Variants in BICD1 observed in about 807,000 individuals in gnomAD.
BICD1 encodes protein bicaudal D homolog 1.
BICD1 carries 35 observed loss-of-function variants against 92.5 expected under a neutral mutation model. That is an observed-to-expected ratio of 0.38 (90% CI 0.29 to 0.50). The LOEUF (loss-of-function observed/expected upper bound fraction) is 0.50, where lower values mean the gene tolerates loss of function less well. Among genes scored for constraint, BICD1 ranks in the 20% least tolerant of loss-of-function variants. BICD1 has a pLI of 0.93. For synonymous variants in BICD1, 429 were observed against 465.1 expected (o/e 0.92, Z 1.00); for missense variants, 950 against 1,189.8 (o/e 0.80, Z 2.97).
intron 2 of BICD1, among the ~76,000 whole-genome samples, chr12:32,281,980 G>T (rs1282911069): frequency 6.6e-6 from 1 of 152,094 alleles, no homozygotes; most frequent in East Asian, 1.9e-4. Context: ...AACACACAAA[G>T]AAATCAAATC....
At chr12:32,326,702 T>C (rs886813070) in intron 4 of BICD1, among the ~76,000 whole-genome samples, 8 of 152,104 alleles carry the variant, frequency 5.3e-5, no homozygotes, top group Admixed American at 5.2e-4. Context: ...CTGGACAACA[T>C]AGCAAGACTC....
At chr12:32,277,694 C>A (rs752970970) in intron 2 of BICD1, among the ~76,000 whole-genome samples, 1 of 152,206 alleles carries the variant, frequency 6.6e-6, no homozygotes, top group Non-Finnish European at 1.5e-5. Context: ...TTGCTAATAT[C>A]TCTCAGTCCC....
At chr12:32,290,002 G>T (rs1033236737) in intron 2 of BICD1, among the ~76,000 whole-genome samples, 2 of 152,190 alleles carry the variant, frequency 1.3e-5, no homozygotes, top group Non-Finnish European at 2.9e-5. Flanking sequence ...GGAGGATTAG[G>T]CTAAAGTCAA....
chr12:32,300,456 T>C (rs1948005765), intron 3 of BICD1, among the ~76,000 whole-genome samples: 1 of 151,358 alleles, frequency 6.6e-6, no homozygotes, highest in Non-Finnish European at 1.5e-5. Flanking sequence ...TTAACAAAGA[T>C]TGCAGCAAAA....
intron 8 of BICD1, among the ~76,000 whole-genome samples, chr12:32,343,287 C>T (rs1303609052): frequency 6.6e-6 from 1 of 152,150 alleles, no homozygotes; most frequent in Non-Finnish European, 1.5e-5. Context: ...TTTATCTTGA[C>T]TCCTTAACTA....
At chr12:32,334,784 T>A in intron 6 of BICD1, 117 bp downstream of exon 6, 1 of 1,151,408 alleles carries the variant, frequency 8.7e-7, no homozygotes, top group Non-Finnish European at 1.2e-6. Context: ...GATGGCTAAG[T>A]GTGAAGAAAA....
At chr12:32,309,874 C>T (rs1298986663) in intron 4 of BICD1, among the ~76,000 whole-genome samples, 3 of 152,148 alleles carry the variant, frequency 2.0e-5, no homozygotes, top group African/African-American at 7.2e-5. Context: ...TGGTGTGCTG[C>T]ACCCATTAAC....
At chr12:32,306,534 C>T (rs772192903) in intron 4 of BICD1, among the ~76,000 whole-genome samples, 63 of 152,070 alleles carry the variant, frequency 4.1e-4, no homozygotes, top group South Asian at 1.0e-3. Context: ...TGAGCCACCG[C>T]GCCCAGCCCC....
chr12:32,110,926 A>G (rs1314250318), intron 1 of BICD1, among the ~76,000 whole-genome samples: 4 of 151,978 alleles, frequency 2.6e-5, no homozygotes, highest in Admixed American at 2.6e-4. Flanking sequence ...AGCATGGCAC[A>G]TGTATACATA....
intron 2 of BICD1, among the ~76,000 whole-genome samples, chr12:32,280,044 G>C (rs1413610620): frequency 6.6e-6 from 1 of 152,164 alleles, no homozygotes; most frequent in Non-Finnish European, 1.5e-5. Context: ...GTTGCAGTGA[G>C]CCAAGATCAT....
rs1444286769 is a variant in BICD1 at position 32,168,541 on chromosome 12, G to A, written c.214-47706G>A. ...GTTGCCTGAGAACAGGAACCAGAAAGTCCTAACAGCGGTCGATCACTGATA... is the reference window on the plus strand; with the variant it reads ...GTTGCCTGAGAACAGGAACCAGAAAATCCTAACAGCGGTCGATCACTGATA... On this transcript the variant is annotated intron_variant, in intron 1 of 9. Coordinates refer to ENST00000652176, the MANE Select transcript of BICD1 (RefSeq NM_001714.4). 3.3e-5 allele frequency among the ~76,000 whole-genome samples: 5 copies of A among 152,210 alleles called. No individual in the cohort carries two copies. In the East Asian group the frequency reaches 9.6e-4, roughly 29 times the overall value.
At chr12:32,222,197 G>A (rs16919498) in intron 2 of BICD1, among the ~76,000 whole-genome samples, 2 of 152,236 alleles carry the variant, frequency 1.3e-5, no homozygotes, top group Admixed American at 1.3e-4. Context: ...TGGTATATAT[G>A]GGATAAAAAG....
intron 8 of BICD1, among the ~76,000 whole-genome samples, chr12:32,365,429 A>G (rs1211276045): frequency 6.6e-6 from 1 of 152,192 alleles, no homozygotes; most frequent in African/African-American, 2.4e-5. Flanking sequence ...ATGAATAATA[A>G]TCTGTGACTG....
At chr12:32,275,364 A>G (rs1387298178) in intron 2 of BICD1, among the ~76,000 whole-genome samples, 4 of 152,166 alleles carry the variant, frequency 2.6e-5, no homozygotes, top group African/African-American at 9.7e-5. Flanking sequence ...TGGGAAGTAG[A>G]CTGATGTGGA....
intron 2 of BICD1, among the ~76,000 whole-genome samples, chr12:32,218,550 A>C (rs992505114): frequency 2.6e-5 from 4 of 152,236 alleles, no homozygotes; most frequent in African/African-American, 9.6e-5. Context: ...ACATTGCTAT[A>C]AGCACCATGA....
intron 9 of BICD1, among the ~76,000 whole-genome samples, chr12:32,374,909 C>CTTTTTTTTTTTTTT (rs1939879847): frequency 1.2e-5 from 1 of 84,290 alleles, no homozygotes; most frequent in Admixed American, 1.2e-4. Context: ...CATTTATTTT[C>CTTTTTTTTTTTTTT]CTTTTTTTTT....
intron 1 of BICD1, chr12:32,108,474 T>C (rs1468800316): frequency 4.3e-6 from 2 of 464,458 alleles, no homozygotes; most frequent in Non-Finnish European, 3.9e-6. Context: ...CTTTTTTATC[T>C]GATTCTTGAG....
intron 3 of BICD1, among the ~76,000 whole-genome samples, chr12:32,298,198 GA>G (rs750772718): frequency 0.14 from 20,881 of 145,386 alleles, 1,998 homozygotes; most frequent in African/African-American, 0.27. Flanking sequence ...AAAAAAATGG[GA>G]AAAAAAAAAG....
At chr12:32,373,059 C>T (rs74870491) in intron 9 of BICD1, among the ~76,000 whole-genome samples, 8,623 of 152,064 alleles carry the variant, frequency 0.057, 284 homozygotes, top group South Asian at 0.12. Flanking sequence ...TAGCACTTCC[C>T]TTCTATCAAG....
Sources: gnomAD v4.1 joint callset for allele counts (sites outside exome capture counted in the v4.1 genomes callset) on GRCh38, gnomAD v4.1.1 for gene constraint, MANE v1.5 for transcripts, NCBI Gene and HGNC (gene_info 2026-07-23, HGNC 2026-07-21) for gene names.